The following PARD3 variants were observed in gnomAD, a reference collection of about 807,000 sequenced individuals.
PARD3 encodes partitioning defective 3 homolog.
PARD3 carries 75 observed loss-of-function variants against 155.4 expected under a neutral mutation model. That is an observed-to-expected ratio of 0.48 (90% CI 0.40 to 0.58). The LOEUF is 0.58. Among genes scored for constraint, PARD3 ranks in the 20% least tolerant of loss-of-function variants. The pLI is 0.00. For synonymous variants in PARD3, 576 were observed against 610.5 expected, an observed-to-expected ratio of 0.94 and a Z score of 0.83; for missense variants, 1,642 against 1,721.7, an observed-to-expected ratio of 0.95 and a Z score of 0.82.
At chr10:34,804,035 G>GTTTTTTTTTT (rs373473801) in intron 1 of PARD3, among the ~76,000 whole-genome samples, 1 of 136,898 alleles carries the variant, frequency 7.3e-6, no homozygotes, top group Non-Finnish European at 1.6e-5. Flanking sequence ...ATTTGTTTTT[G>GTTTTTTTTTT]TTTTTTTTTT....
chr10:34,604,678 T>C (rs2090079185), intron 2 of PARD3, among the ~76,000 whole-genome samples: 1 of 149,664 alleles, frequency 6.7e-6, no homozygotes. Flanking sequence ...ATATTACATA[T>C]ATATTTTCAA....
At chr10:34,562,170 C>T (rs1318671533) in intron 2 of PARD3, among the ~76,000 whole-genome samples, 2 of 131,714 alleles carry the variant, frequency 1.5e-5, no homozygotes, top group African/African-American at 6.0e-5. Context: ...TGGGGGGTGG[C>T]TCATGCCTAT....
chr10:34,137,379 T>A (rs1040052809), intron 22 of PARD3, among the ~76,000 whole-genome samples: 3 of 152,148 alleles, frequency 2.0e-5, no homozygotes, highest in African/African-American at 7.2e-5. Context: ...AGCTGATATT[T>A]CCCTAGTAGA....
chr10:34,297,213 A>G (rs1428721926), intron 20 of PARD3, among the ~76,000 whole-genome samples: 2 of 152,120 alleles, frequency 1.3e-5, no homozygotes, highest in African/African-American at 4.8e-5. Flanking sequence ...TTAGGTGGGA[A>G]GATTGCTTGA....
At chr10:34,669,741 G>T (rs866745858) in intron 2 of PARD3, among the ~76,000 whole-genome samples, 125 of 152,140 alleles carry the variant, frequency 8.2e-4, no homozygotes, top group African/African-American at 3.0e-3. Flanking sequence ...ATAATTTAAT[G>T]ACTTGATGTT....
intron 2 of PARD3, among the ~76,000 whole-genome samples, chr10:34,582,867 GC>G (rs1287035721): frequency 3.3e-5 from 5 of 152,220 alleles, no homozygotes; most frequent in African/African-American, 1.2e-4. Flanking sequence ...GAAACCAGGT[GC>G]CCTTCTTCTT....
chr10:34,148,029 C>G (rs767450584), intron 22 of PARD3, among the ~76,000 whole-genome samples: 2 of 152,140 alleles, frequency 1.3e-5, no homozygotes, highest in African/African-American at 2.4e-5. Context: ...TGTCCAAGTA[C>G]TGGTGTGTAG....
At chr10:34,694,470 C>CTTTT (rs34628015) in intron 2 of PARD3, among the ~76,000 whole-genome samples, 41 of 101,890 alleles carry the variant, frequency 4.0e-4, no homozygotes, top group African/African-American at 1.4e-3. Flanking sequence ...AAAACTTCTG[C>CTTTT]TTTTTTTTTT....
At chr10:34,190,806 G>A (rs182290402) in intron 22 of PARD3, among the ~76,000 whole-genome samples, 1 of 152,314 alleles carries the variant, frequency 6.6e-6, no homozygotes, top group Non-Finnish European at 1.5e-5. Flanking sequence ...GTAGGAAAGT[G>A]AGTAGGAGTT....
chr10:34,140,767 C>CACCTGAA (rs1186474926), intron 22 of PARD3, among the ~76,000 whole-genome samples: 11 of 152,310 alleles, frequency 7.2e-5, no homozygotes, highest in Admixed American at 3.9e-4. Flanking sequence ...CACAGTAAAT[C>CACCTGAA]CCCCATATGT....
chr10:34,739,162 C>T (rs1194426434), intron 1 of PARD3, among the ~76,000 whole-genome samples: 1 of 152,102 alleles, frequency 6.6e-6, no homozygotes, highest in Admixed American at 6.6e-5. Flanking sequence ...GGACTGGATC[C>T]TGGCATAGAA....
At chr10:34,299,219 A>G (rs1957044703) in intron 20 of PARD3, among the ~76,000 whole-genome samples, 1 of 152,252 alleles carries the variant, frequency 6.6e-6, no homozygotes, top group African/African-American at 2.4e-5. Flanking sequence ...TAATTGAGAC[A>G]ACTGCAAATA....
rs1191197645 is a variant in PARD3, at chr10:34,228,987, ATC to A, written c.3419+40668_3419+40669del. ...ATATCCAAGTTACTCCATGGCCCTGATCTCTGTTTCTCCTGAGTAGAGGGCTG... is the reference window on the plus strand; with the variant it reads ...ATATCCAAGTTACTCCATGGCCCTGATCTGTTTCTCCTGAGTAGAGGGCTG... On this transcript the variant is annotated intron_variant, in intron 22 of 24. Transcript: ENST00000374788. 2.6e-5 allele frequency among the ~76,000 whole-genome samples: 4 copies of A among 152,096 alleles called. No individual in the cohort carries two copies. In the East Asian group the frequency reaches 7.7e-4, roughly 29 times the overall value.
At chr10:34,157,432 C>A (rs1243795983) in intron 22 of PARD3, among the ~76,000 whole-genome samples, 1 of 152,194 alleles carries the variant, frequency 6.6e-6, no homozygotes, top group African/African-American at 2.4e-5. Context: ...CAAGTAAGCG[C>A]CCCATGAACT....
chr10:34,660,427 T>C (rs573309277), intron 2 of PARD3, among the ~76,000 whole-genome samples: 17 of 152,264 alleles, frequency 1.1e-4, no homozygotes, highest in South Asian at 6.2e-4. Flanking sequence ...TTTTAGTACA[T>C]AAAGAACATC....
intron 5 of PARD3, among the ~76,000 whole-genome samples, chr10:34,432,673 G>C (rs1284412049): frequency 1.3e-5 from 2 of 152,038 alleles, no homozygotes; most frequent in Non-Finnish European, 2.9e-5. Context: ...TTTTATTAGG[G>C]ACCACTTCCC....
chr10:34,674,658 C>T (rs998440175), intron 2 of PARD3, among the ~76,000 whole-genome samples: 2 of 151,630 alleles, frequency 1.3e-5, no homozygotes, highest in East Asian at 1.9e-4. Context: ...AGCTAATTTT[C>T]GTATTTTTAG....
At chr10:34,302,146 G>T (rs915551142) in intron 20 of PARD3, among the ~76,000 whole-genome samples, 1 of 152,054 alleles carries the variant, frequency 6.6e-6, no homozygotes, top group Non-Finnish European at 1.5e-5. Flanking sequence ...ATGCCTCCAG[G>T]TTCCTCATCC....
chr10:34,393,129 TA>T (rs1325434823), intron 7 of PARD3, among the ~76,000 whole-genome samples: 8 of 145,894 alleles, frequency 5.5e-5, no homozygotes, highest in Non-Finnish European at 1.2e-4. Context: ...CCAAAAATGC[TA>T]ACTAGTAGAT....
Sources: allele counts gnomAD v4.1 joint callset (sites outside exome capture counted in the v4.1 genomes callset), GRCh38; gene constraint gnomAD v4.1.1; transcripts MANE v1.5; gene names NCBI Gene and HGNC (gene_info 2026-07-23, HGNC 2026-07-21).